Variants in CNTN4 observed in about 807,000 individuals in gnomAD.
The protein encoded by CNTN4 is contactin-4.
CNTN4 carries 77 observed loss-of-function variants against 122.5 expected under a neutral mutation model. That is an observed-to-expected ratio of 0.63 (90% confidence interval 0.52 to 0.76). CNTN4 has a LOEUF of 0.76. CNTN4 is among the 30% of genes least tolerant of loss of function. The pLI is 0.00. For missense variants in CNTN4, 1,256 were observed against 1,259.1 expected, an observed-to-expected ratio of 1.00 and a Z score of 0.04; for synonymous variants, 512 against 447.0, an observed-to-expected ratio of 1.15 and a Z score of -1.83.
intron 3 of CNTN4, among the ~76,000 whole-genome samples, chr3:2,533,658 G>A (rs1487791286): frequency 6.6e-6 from 1 of 152,060 alleles, no homozygotes. Flanking sequence ...CCCAGTAATG[G>A]GATGGCTGGG....
At chr3:2,693,693 G>A (rs1029637935) in intron 4 of CNTN4, among the ~76,000 whole-genome samples, 1 of 152,134 alleles carries the variant, frequency 6.6e-6, no homozygotes, top group Admixed American at 6.5e-5. Context: ...AAGAAATAGA[G>A]TACGTATTTT....
intron 2 of CNTN4, among the ~76,000 whole-genome samples, chr3:2,191,677 A>G (rs1022902369): frequency 1.8e-4 from 27 of 149,452 alleles, no homozygotes; most frequent in African/African-American, 6.4e-4. Context: ...GAGGTTATCT[A>G]TTTAACAAAA....
At chr3:2,456,773 A>G (rs1447767409) in intron 3 of CNTN4, among the ~76,000 whole-genome samples, 2 of 152,058 alleles carry the variant, frequency 1.3e-5, no homozygotes, top group Non-Finnish European at 2.9e-5. Context: ...TCGTCTATCT[A>G]TGGACGCTTG....
At chr3:2,277,697 T>A (rs1410171811) in intron 2 of CNTN4, among the ~76,000 whole-genome samples, 5 of 152,164 alleles carry the variant, frequency 3.3e-5, no homozygotes, top group African/African-American at 7.2e-5. Flanking sequence ...AATATACTTT[T>A]TTGCTCTTCT....
intron 10 of CNTN4, among the ~76,000 whole-genome samples, chr3:2,897,251 G>C (rs2094125337): frequency 6.6e-6 from 1 of 152,144 alleles, no homozygotes; most frequent in Non-Finnish European, 1.5e-5. Context: ...GTGTGTCACA[G>C]AGTCAAATCC....
chr3:2,753,593 A>T (rs1419386982), intron 6 of CNTN4, among the ~76,000 whole-genome samples: 6 of 152,240 alleles, frequency 3.9e-5, no homozygotes, highest in Non-Finnish European at 5.9e-5. Flanking sequence ...TCTTGAGCAG[A>T]TGCCTGTTAT....
chr3:2,449,023 A>T (rs2048728577), intron 3 of CNTN4, among the ~76,000 whole-genome samples: 1 of 152,116 alleles, frequency 6.6e-6, no homozygotes, highest in Non-Finnish European at 1.5e-5. Context: ...CCACTTCCAT[A>T]AAAAAGGTCA....
In CNTN4 at chr3:2,883,135, T is replaced by G. The variant is rs2093931617; in HGVS notation, c.653-10T>G. The G allele has an allele frequency of 2.5e-6, 4 of 1,592,650 alleles. No homozygotes were observed. The highest frequency in any genetic ancestry group is 2.2e-5 in the South Asian group (2 of 90,474). On this transcript the variant is annotated splice_polypyrimidine_tract_variant and intron_variant, in intron 8 of 24. Transcript: ENST00000418658. ...AATCTCCAAGACTTAGCCCCTTTAT[T>G]TATTCACAGGAGTGATGGGTGAATA... is the stretch of plus-strand genomic sequence containing the variant.
intron 2 of CNTN4, among the ~76,000 whole-genome samples, chr3:2,139,085 G>A (rs374349489): frequency 3.3e-5 from 5 of 152,258 alleles, no homozygotes; most frequent in African/African-American, 9.6e-5. Context: ...GGCCTTCTGA[G>A]TACTGGGTTT....
At chr3:2,148,475 G>A (rs1419804577) in intron 2 of CNTN4, among the ~76,000 whole-genome samples, 1 of 151,674 alleles carries the variant, frequency 6.6e-6, no homozygotes, top group Non-Finnish European at 1.5e-5. Flanking sequence ...ACAGGTTGCA[G>A]TGAGCTGAGA....
rs530833236 is a variant in CNTN4 at position 2,932,925 on chromosome 3, T to C, written c.1358+7146T>C. ...GCGAGCTCCGCCTCCCGGGTTCACA[T>C]CATTCTCTTGCCTCAGCCTCCCGAG... On this transcript the variant is annotated intron_variant, in intron 13 of 24. Transcript: ENST00000418658. Among the ~76,000 whole-genome samples the C allele has an allele frequency of 3.5e-4, 53 of 152,142 alleles. 2 individuals are homozygous for C. The East Asian group carries it at 4.5e-3, about 13-fold the overall frequency.
rs189416682 is a variant in CNTN4 at position 2,247,199 on chromosome 3, A to G, written c.-144-91979A>G. ...AGCTATTGCCGTTGCAGTGACTGCA[A>G]TAATTCTTGAGCATGCCATCTTTAC... is the stretch of plus-strand genomic sequence containing the variant. On this transcript the variant is annotated intron_variant, in intron 2 of 24. Coordinates refer to ENST00000418658, the MANE Select transcript of CNTN4 (RefSeq NM_175607.3). Among the ~76,000 whole-genome samples the G allele has an allele frequency of 3.9e-5, 6 of 152,192 alleles. 1 individual carries two copies. The highest frequency in any genetic ancestry group is 9.6e-5 in the African/African-American group (4 of 41,554).
intron 2 of CNTN4, among the ~76,000 whole-genome samples, chr3:2,130,719 C>T (rs988403019): frequency 6.6e-6 from 1 of 152,074 alleles, no homozygotes; most frequent in East Asian, 1.9e-4. Flanking sequence ...TGTGTGGTGT[C>T]TATGTTTTGA....
At chr3:2,851,375 C>T (rs1477486976) in intron 7 of CNTN4, among the ~76,000 whole-genome samples, 1 of 152,224 alleles carries the variant, frequency 6.6e-6, no homozygotes, top group Non-Finnish European at 1.5e-5. Context: ...TATGCAGAAG[C>T]AGTGGCCTAA....
chr3:2,395,232 T>A (rs2150921079), intron 3 of CNTN4, among the ~76,000 whole-genome samples: 1 of 152,274 alleles, frequency 6.6e-6, no homozygotes, highest in Non-Finnish European at 1.5e-5. Flanking sequence ...TCTTAATACA[T>A]GGTGAGTACA....
chr3:2,222,402 A>G (rs931283446), intron 2 of CNTN4, among the ~76,000 whole-genome samples: 3 of 152,130 alleles, frequency 2.0e-5, no homozygotes, highest in Non-Finnish European at 4.4e-5. Context: ...AGAGGAGAGT[A>G]GGCAGTGACT....
intron 3 of CNTN4, among the ~76,000 whole-genome samples, chr3:2,348,276 G>A (rs1335062830): frequency 6.6e-6 from 1 of 152,086 alleles, no homozygotes; most frequent in East Asian, 1.9e-4. Flanking sequence ...TTTCTTATAG[G>A]GGTCATATTG....
At chr3:2,512,355 A>G (rs2076912118) in intron 3 of CNTN4, among the ~76,000 whole-genome samples, 1 of 152,160 alleles carries the variant, frequency 6.6e-6, no homozygotes, top group Non-Finnish European at 1.5e-5. Flanking sequence ...AAGTAATGTG[A>G]ATTAAAAAAA....
intron 2 of CNTN4, among the ~76,000 whole-genome samples, chr3:2,236,954 G>A (rs1166667585): frequency 6.6e-6 from 1 of 152,178 alleles, no homozygotes; most frequent in Non-Finnish European, 1.5e-5. Flanking sequence ...CACATTTTAA[G>A]AACTGAAACT....
Sources: gnomAD v4.1 joint callset for allele counts (sites outside exome capture counted in the v4.1 genomes callset) on GRCh38, gnomAD v4.1.1 for gene constraint, MANE v1.5 for transcripts, NCBI Gene and HGNC (gene_info 2026-07-23, HGNC 2026-07-21) for gene names.